The following MACROH2A1 variants were observed in gnomAD, a reference collection of about 807,000 sequenced individuals.
MACROH2A1 encodes macroH2A.1 histone.
MACROH2A1 carries 2 observed loss-of-function variants against 31.6 expected under a neutral mutation model. The ratio of observed to expected loss-of-function variants is 0.06; its 90% CI spans 0.03 to 0.20. The LOEUF (loss-of-function observed/expected upper bound fraction) is 0.20, where lower values mean the gene tolerates loss of function less well. MACROH2A1 is among the 10% of genes least tolerant of loss of function. The pLI is 1.00. For missense variants in MACROH2A1, 230 were observed against 474.0 expected (o/e 0.49, Z 4.78); for synonymous variants, 169 against 189.6 (o/e 0.89, Z 0.89).
chr5:135,352,057 T>C (rs1413798890), intron 6 of MACROH2A1, among the ~76,000 whole-genome samples: 3 of 152,046 alleles, frequency 2.0e-5, no homozygotes, highest in African/African-American at 7.3e-5. Context: ...ATGGAATGAG[T>C]GTATCTCCCA....
At chr5:135,373,783 C>T (rs1764498065) in intron 2 of MACROH2A1, among the ~76,000 whole-genome samples, 1 of 152,206 alleles carries the variant, frequency 6.6e-6, no homozygotes. Flanking sequence ...CCTCTCCATA[C>T]TCCTACCACC....
At chr5:135,337,171 G>A (rs1210592582) in intron 8 of MACROH2A1, among the ~76,000 whole-genome samples, 1 of 152,262 alleles carries the variant, frequency 6.6e-6, no homozygotes, top group Non-Finnish European at 1.5e-5. Context: ...CTGGGCTGAG[G>A]GCCTGTGGAG....
chr5:135,338,298 TGTG>T (rs1477130608), intron 8 of MACROH2A1, among the ~76,000 whole-genome samples: 2 of 152,188 alleles, frequency 1.3e-5, no homozygotes, highest in Non-Finnish European at 2.9e-5. Flanking sequence ...GGATTTGAGT[TGTG>T]GTCCCACTTC....
At chr5:135,376,243 C>T (rs755149608) in intron 2 of MACROH2A1, among the ~76,000 whole-genome samples, 4 of 152,136 alleles carry the variant, frequency 2.6e-5, no homozygotes, top group Admixed American at 1.3e-4. Flanking sequence ...CAGACTCCTC[C>T]GAAAAGTCCA....
intron 5 of MACROH2A1, chr5:135,355,312 C>T (rs577396440): frequency 2.2e-6 from 1 of 454,012 alleles, no homozygotes; most frequent in Non-Finnish European, 4.4e-6. Flanking sequence ...TGACCAGAGG[C>T]ATCCCCACTC....
intron 1 of MACROH2A1, among the ~76,000 whole-genome samples, chr5:135,396,947 C>A (rs1052173755): frequency 2.0e-5 from 3 of 152,090 alleles, no homozygotes; most frequent in African/African-American, 7.2e-5. Flanking sequence ...ACCTCTAAAC[C>A]TACAGAATAT....
intron 6 of MACROH2A1, chr5:135,351,543 A>ATTTTTTTTTTTTTTTTTTTTT (rs57605717): frequency 4.1e-5 from 2 of 48,494 alleles, no homozygotes; most frequent in Non-Finnish European, 4.0e-5. Context: ...TTATGGTTTA[A>ATTTTTTTTTTTTTTTTTTTTT]TTTTTTTTTT....
In MACROH2A1 at chr5:135,398,090, A is replaced by G. The variant is rs1325125836; in HGVS notation, c.-34+972T>C. 1.3e-5 allele frequency among the ~76,000 whole-genome samples: 2 copies of G among 152,224 alleles called. No homozygotes were observed. The highest frequency in any genetic ancestry group is 2.1e-4 in the South Asian group (1 of 4,836). ...CAAGGTTTGTCCCAGTTGTTTGTAC[A>G]GAAGTCTCTCACTTTGAAACTCAGA... On this transcript the variant is annotated intron_variant, in intron 1 of 8. Coordinates refer to ENST00000511689, the MANE Select transcript of MACROH2A1 (RefSeq NM_138610.3). The surrounding 1 kb of genome is among the most constrained non-coding windows in gnomAD (Gnocchi z 4.6).
At chr5:135,339,282 TG>T (rs961657906) in intron 8 of MACROH2A1, among the ~76,000 whole-genome samples, 1 of 152,140 alleles carries the variant, frequency 6.6e-6, no homozygotes, top group Non-Finnish European at 1.5e-5. Flanking sequence ...CAGTAATGGC[TG>T]GGGGGTGTAC....
chr5:135,339,935 CAAAGGTCTCTT>C (rs1372327798), intron 8 of MACROH2A1, among the ~76,000 whole-genome samples: 3 of 152,246 alleles, frequency 2.0e-5, no homozygotes, highest in African/African-American at 7.2e-5. Flanking sequence ...CTCCCCCATT[CAAAGGTCTCTT>C]GAGTTTCTGT....
chr5:135,377,056 T>C (rs1238487783), intron 2 of MACROH2A1, among the ~76,000 whole-genome samples: 1 of 152,268 alleles, frequency 6.6e-6, no homozygotes, highest in African/African-American at 2.4e-5. Context: ...ACCTCGGTGC[T>C]GCCAGACCTG....
At chr5:135,392,017 A>G (rs1767317354) in intron 1 of MACROH2A1, among the ~76,000 whole-genome samples, 1 of 152,128 alleles carries the variant, frequency 6.6e-6, no homozygotes, top group South Asian at 2.1e-4. Context: ...CCTGGCTCAC[A>G]TGCCTCAGGC....
Position 135,389,007 on chromosome 5 carries a change from C to T in MACROH2A1, c.87G>A (p.Leu29=), listed in dbSNP as rs1766819625. ...TGGGGTGGCCTTTCTTGATGTACCGCAGCATCCGCCCCACGGGAAAGATGA... is the reference window on the plus strand; with the variant it reads ...TGGGGTGGCCTTTCTTGATGTACCGTAGCATCCGCCCCACGGGAAAGATGA... ...AGVIFPVGRM[L]RYIKKGHPKY... The change falls in exon 2 of 9, where the codon CTG becomes CTA. Residue 29 remains leucine, a synonymous_variant. Transcript: ENST00000511689. 10 of 1,614,030 alleles carry T rather than the reference C, an allele frequency of 6.2e-6. No homozygotes were observed. In the East Asian group the frequency reaches 2.0e-4, roughly 32 times the overall value.
chr5:135,352,280 G>A (rs1761681502), intron 6 of MACROH2A1, among the ~76,000 whole-genome samples: 1 of 152,224 alleles, frequency 6.6e-6, no homozygotes, highest in African/African-American at 2.4e-5. Flanking sequence ...CAGGACACTT[G>A]AGGGGCACCT....
chr5:135,368,760 G>A lies in MACROH2A1; in HGVS notation c.477+646C>T, dbSNP rs77142574. ...ACAGCAATCACAGGCCTGGACCTCCGGAGGGTGCTCCTCCACACTGAGGAT... is the reference window on the plus strand; with the variant it reads ...ACAGCAATCACAGGCCTGGACCTCCAGAGGGTGCTCCTCCACACTGAGGAT... On this transcript the variant is annotated intron_variant, in intron 4 of 8. Coordinates refer to ENST00000511689, the MANE Select transcript of MACROH2A1 (RefSeq NM_138610.3). Among the ~76,000 whole-genome samples, 126 of 152,322 alleles carry A rather than the reference G, an allele frequency of 8.3e-4. 2 individuals carry two copies. The East Asian group carries it at 0.023, about 28-fold the overall frequency.
At chr5:135,382,367 T>C (rs1213396372) in intron 2 of MACROH2A1, among the ~76,000 whole-genome samples, 1 of 152,222 alleles carries the variant, frequency 6.6e-6, no homozygotes, top group Non-Finnish European at 1.5e-5. Context: ...CTTTTGAAGA[T>C]TTCCAGGCAC....
At chr5:135,350,693 G>C in intron 6 of MACROH2A1, 2 of 599,294 alleles carry the variant, frequency 3.3e-6, no homozygotes, top group Non-Finnish European at 6.1e-6. Context: ...CCCAGGGACA[G>C]GAGACAGGGT....
At chr5:135,338,895 T>G (rs1430735457) in intron 8 of MACROH2A1, among the ~76,000 whole-genome samples, 2 of 152,240 alleles carry the variant, frequency 1.3e-5, no homozygotes, top group African/African-American at 4.8e-5. Flanking sequence ...TTAACCTCTC[T>G]AAGCATTAAT....
intron 2 of MACROH2A1, among the ~76,000 whole-genome samples, chr5:135,372,741 C>T (rs1456872845): frequency 6.6e-6 from 1 of 152,210 alleles, no homozygotes; most frequent in Non-Finnish European, 1.5e-5. Context: ...AACACAGAGC[C>T]TGGGAGCAAT....
Sources: allele counts gnomAD v4.1 joint callset (sites outside exome capture counted in the v4.1 genomes callset), GRCh38; gene constraint gnomAD v4.1.1; non-coding constraint Gnocchi (gnomAD v3.1); transcripts MANE v1.5; gene names NCBI Gene and HGNC (gene_info 2026-07-23, HGNC 2026-07-21).